Variants in SEC22C observed in about 807,000 individuals in gnomAD.
SEC22C encodes the protein SEC22 homolog C, vesicle trafficking protein.
In SEC22C, 29 loss-of-function variants were observed where a neutral mutation model predicts 34.7. That is an observed-to-expected ratio of 0.84 (90% CI 0.62 to 1.14). SEC22C has a LOEUF of 1.14. SEC22C is among the 50% of genes most tolerant of loss of function. SEC22C has a pLI of 0.00. For missense variants in SEC22C, 337 were observed against 369.0 expected (o/e 0.91, Z 0.71); for synonymous variants, 117 against 132.8 (o/e 0.88, Z 0.82).
In SEC22C at chr3:42,549,882, A is replaced by G; in HGVS notation, c.*3366T>C. 1.0e-6 allele frequency: 1 copy of G among 985,446 alleles called. No individual in the cohort carries two copies. The highest frequency in any genetic ancestry group is 1.2e-6 in the Non-Finnish European group (1 of 829,930). 61.0% of individuals were successfully genotyped at this position (985,446 alleles called of 1,614,324 possible). ...CACAGAAAAGAGGGATGCAAGCCCA[A>G]AAAGCAAAAGCAGGAGCTTATGGTC... is the stretch of plus-strand genomic sequence containing the variant. On this transcript the variant is annotated 3_prime_UTR_variant, in exon 7 of 7. Transcript: ENST00000264454.
rs1702155202 is a variant in SEC22C at position 42,549,724 on chromosome 3, G to A, written c.*3524C>T. ...TCCAGTTTCAGACTCTGTCTCCAGA[G>A]CTGGAATGTATAGGGCAGAGGTAGA... On this transcript the variant is annotated 3_prime_UTR_variant, in exon 7 of 7. Coordinates refer to ENST00000264454, the MANE Select transcript of SEC22C (RefSeq NM_032970.4). 1.0e-6 allele frequency: 1 copy of A among 985,388 alleles called. No individual in the cohort carries two copies. The highest frequency in any genetic ancestry group is 1.2e-6 in the Non-Finnish European group (1 of 829,978). The allele number at this position is 985,388 out of a possible 1,614,324, so 61.0% of individuals were successfully genotyped here. A position where few individuals can be genotyped will look rare whatever the true frequency, so the allele number is the denominator to read the frequency against.
chr3:42,558,310 G>T (rs1327551094), intron 4 of SEC22C, among the ~76,000 whole-genome samples: 1 of 144,946 alleles, frequency 6.9e-6, no homozygotes, highest in Non-Finnish European at 1.5e-5. Flanking sequence ...GTGAGACCCT[G>T]TCTCTACAAA....
At chr3:42,559,217 C>T (rs552350854) in intron 4 of SEC22C, among the ~76,000 whole-genome samples, 1 of 152,306 alleles carries the variant, frequency 6.6e-6, no homozygotes, top group Admixed American at 6.5e-5. Context: ...CCAACTTATG[C>T]CTATTGTTAG....
intron 1 of SEC22C, among the ~76,000 whole-genome samples, chr3:42,592,629 G>T (rs1240750119): frequency 6.6e-6 from 1 of 152,170 alleles, no homozygotes; most frequent in African/African-American, 2.4e-5. Context: ...AGAGATATCA[G>T]TTTTTGGGTA....
chr3:42,557,488 C>A (rs2271181), intron 5 of SEC22C, 90 bp downstream of exon 5: 2 of 548,412 alleles, frequency 3.6e-6, no homozygotes, highest in Admixed American at 3.0e-5. Context: ...ATTATAAAAC[C>A]TCAGTTTTAT....
chr3:42,589,244 G>A (rs1365293820), intron 1 of SEC22C, among the ~76,000 whole-genome samples: 1 of 152,026 alleles, frequency 6.6e-6, no homozygotes, highest in Non-Finnish European at 1.5e-5. Context: ...ACTCCAGCCT[G>A]GGTGACAGAG....
At chr3:42,567,394 T>C (rs918684700) in intron 2 of SEC22C, among the ~76,000 whole-genome samples, 4 of 152,206 alleles carry the variant, frequency 2.6e-5, no homozygotes, top group Non-Finnish European at 5.9e-5. Context: ...GAACAGGAAA[T>C]TGTATAACCC....
At chr3:42,593,580 G>A (rs1704932600) in intron 1 of SEC22C, among the ~76,000 whole-genome samples, 1 of 152,030 alleles carries the variant, frequency 6.6e-6, no homozygotes, top group Non-Finnish European at 1.5e-5. Context: ...GGATACCAAG[G>A]GACAATTGTA....
At chr3:42,600,948 C>T in intron 1 of SEC22C, 1 of 1,422,300 alleles carries the variant, frequency 7.0e-7, no homozygotes, top group South Asian at 1.3e-5. Context: ...CCGCCCTCGC[C>T]CCTGCCCTGA....
At chr3:42,586,522 C>A (rs1704614299), upstream of SEC22C, among the ~76,000 whole-genome samples, 1 of 151,980 alleles carries the variant, frequency 6.6e-6, no homozygotes, top group Non-Finnish European at 1.5e-5. Context: ...TGCACCCACC[C>A]CTTCCTTGAC....
intron 2 of SEC22C, 142 bp from the exon 3 acceptor site, chr3:42,563,828 C>A (rs750382798): frequency 6.5e-7 from 1 of 1,528,394 alleles, no homozygotes; most frequent in African/African-American, 1.4e-5. Flanking sequence ...TATATTGTCT[C>A]TTCAGTTCGA....
intron 2 of SEC22C, among the ~76,000 whole-genome samples, chr3:42,568,131 T>C (rs144593422): frequency 0.028 from 4,203 of 151,614 alleles, 91 homozygotes; most frequent in Middle Eastern, 0.068. Context: ...AGTGAAAAAA[T>C]TAAAAAGCAA....
rs757563532 is a variant in SEC22C, at chr3:42,590,053, G to C, written c.-28+10907C>G. On this transcript the variant is annotated intron_variant, in intron 1 of 6. Coordinates refer to the SEC22C transcript ENST00000417572. ...TTGGGCAAGTTACTTAACCTGTTTC[G>C]TCATCTGTAAAATGGAGAAAATACC... Among the ~76,000 whole-genome samples, 5 of 152,178 alleles carry C rather than the reference G, an allele frequency of 3.3e-5. No individual in the cohort carries two copies. The South Asian group carries it at 6.2e-4, about 19-fold the overall frequency.
chr3:42,573,686 T>C (rs531845041), intron 1 of SEC22C: 1 of 152,144 alleles, frequency 6.6e-6, no homozygotes, highest in African/African-American at 2.4e-5. Flanking sequence ...ATAAATAAAG[T>C]AATTAATTAA....
At chr3:42,588,382 G>C (rs1704694403) in intron 1 of SEC22C, among the ~76,000 whole-genome samples, 1 of 152,118 alleles carries the variant, frequency 6.6e-6, no homozygotes, top group Non-Finnish European at 1.5e-5. Context: ...TCCAGCTTGG[G>C]CAACAGAATA....
intron 1 of SEC22C, chr3:42,594,753 CT>C: frequency 3.1e-6 from 1 of 325,826 alleles, no homozygotes. Flanking sequence ...CAGGTGTCCT[CT>C]TTCCTGAACT....
Position 42,588,740 on chromosome 3 carries a change from C to T in SEC22C, c.-28+12220G>A, listed in dbSNP as rs547704433. ...GGACCATCTCATGTTATTGTCATTC[C>T]TCACTTGTCTAAACAGGAATAGGGC... On this transcript the variant is annotated intron_variant, in intron 1 of 6. Transcript: ENST00000417572. 1.2e-4 allele frequency among the ~76,000 whole-genome samples: 18 copies of T among 152,228 alleles called. No homozygotes were observed. In the East Asian group the frequency reaches 3.5e-3, roughly 29 times the overall value.
At chr3:42,577,992 C>G (rs1372072922) in intron 1 of SEC22C, among the ~76,000 whole-genome samples, 1 of 151,504 alleles carries the variant, frequency 6.6e-6, no homozygotes, top group East Asian at 1.9e-4. Flanking sequence ...AAAAACAAAA[C>G]ACAGTTTGGC....
At position 42,566,761 on chromosome 3, in the gene SEC22C, T is replaced by C. The variant is rs531571636; in HGVS notation, c.182+2104A>G. ...GCTCATACCTATAATCCCAGGGCTT[T>C]GGAAGGCCAAGGCGGGAGGATCACT... On this transcript the variant is annotated intron_variant, in intron 2 of 6. Transcript: ENST00000264454. 6.6e-4 allele frequency: 227 copies of C among 345,816 alleles called. 2 individuals carry two copies. The highest frequency in any genetic ancestry group is 4.8e-3 in the South Asian group (219 of 45,960). The allele number at this position is 345,816 out of a possible 1,614,324, so 21.4% of individuals were successfully genotyped here.
Sources: allele counts gnomAD v4.1 joint callset (sites outside exome capture counted in the v4.1 genomes callset), GRCh38; gene constraint gnomAD v4.1.1; transcripts MANE v1.5; gene names NCBI Gene and HGNC (gene_info 2026-07-23, HGNC 2026-07-21).